SSH1: variants seen among roughly 807,000 people sequenced by gnomAD.
The protein encoded by SSH1 is slingshot protein phosphatase 1.
SSH1 carries 43 observed loss-of-function variants against 79.7 expected under a neutral mutation model. The ratio of observed to expected loss-of-function variants is 0.54; its 90% CI spans 0.42 to 0.70. The LOEUF is 0.70. SSH1 is among the 30% of genes least tolerant of loss of function. The probability of loss-of-function intolerance (pLI) is 0.00; values close to 1 mark genes in which losing one functional copy is unlikely to be tolerated. For missense variants in SSH1, 1,206 were observed against 1,358.8 expected (o/e 0.89, Z 1.77); for synonymous variants, 599 against 538.3 (o/e 1.11, Z -1.56).
intron 2 of SSH1, chr12:108,827,177 C>T: frequency 7.4e-7 from 1 of 1,359,400 alleles, no homozygotes; most frequent in Non-Finnish European, 9.9e-7. Context: ...CCTCAAAAAA[C>T]CCCAGGCCCC....
intron 2 of SSH1, among the ~76,000 whole-genome samples, 196 bp downstream of exon 2, chr12:108,852,442 G>C (rs1191323191): frequency 6.6e-6 from 1 of 151,930 alleles, no homozygotes; most frequent in Non-Finnish European, 1.5e-5. Context: ...ATGTTGGCCA[G>C]GATGGTCTCG....
At chr12:108,792,237 G>A in intron 14 of SSH1, 49 bp downstream of exon 14, 1 of 1,613,972 alleles carries the variant, frequency 6.2e-7, no homozygotes, top group South Asian at 1.1e-5. Context: ...CAATTAGAGT[G>A]GGATGGAAGG....
At chr12:108,812,037 C>T (rs535568657) in intron 5 of SSH1, among the ~76,000 whole-genome samples, 203 of 152,254 alleles carry the variant, frequency 1.3e-3, no homozygotes, top group African/African-American at 4.6e-3. Context: ...TATGTGTGCC[C>T]GTGTGAATGG....
chr12:108,855,258 T>C (rs78768087), intron 1 of SSH1, among the ~76,000 whole-genome samples: 3,203 of 152,290 alleles, frequency 0.021, 104 homozygotes, highest in African/African-American at 0.074. Flanking sequence ...AGGGTGTGAT[T>C]CCATTTATAT....
chr12:108,795,703 A>G (rs779159511), intron 13 of SSH1, among the ~76,000 whole-genome samples: 6 of 152,090 alleles, frequency 3.9e-5, no homozygotes, highest in Non-Finnish European at 5.9e-5. Context: ...AGAAAAAAAT[A>G]TAAAAAATTA....
At chr12:108,843,093 TTTTTA>T (rs2038817702) in intron 2 of SSH1, among the ~76,000 whole-genome samples, 2 of 152,176 alleles carry the variant, frequency 1.3e-5, no homozygotes, top group Admixed American at 1.3e-4. Context: ...AGAGCAGGAA[TTTTTA>T]TTTTGTTTGT....
chr12:108,840,882 C>T (rs1286304667), intron 2 of SSH1, among the ~76,000 whole-genome samples: 1 of 152,222 alleles, frequency 6.6e-6, no homozygotes, highest in Non-Finnish European at 1.5e-5. Context: ...TTCTCCACTG[C>T]AGGGTCAGAC....
chr12:108,822,580 G>A (rs555060699), intron 3 of SSH1, among the ~76,000 whole-genome samples: 1 of 152,268 alleles, frequency 6.6e-6, no homozygotes, highest in Admixed American at 6.5e-5. Context: ...CCAAAGCACT[G>A]GGATTACAGG....
At chr12:108,820,905 A>G (rs562705066) in intron 3 of SSH1, among the ~76,000 whole-genome samples, 20 of 152,216 alleles carry the variant, frequency 1.3e-4, no homozygotes, top group Admixed American at 2.0e-4. Flanking sequence ...TCCAGACCTC[A>G]GGGCACAAGA....
chr12:108,796,845 C>T (rs1011303469), intron 13 of SSH1, among the ~76,000 whole-genome samples: 1 of 151,820 alleles, frequency 6.6e-6, no homozygotes, highest in Non-Finnish European at 1.5e-5. Context: ...CGGGTTCAAG[C>T]AATTCTCCTG....
intron 14 of SSH1, 75 bp from the exon 15 acceptor site, chr12:108,789,319 G>T: frequency 6.7e-7 from 1 of 1,496,734 alleles, no homozygotes. Flanking sequence ...AGGGTGGGCA[G>T]GGAAAGGGGT....
intron 14 of SSH1, among the ~76,000 whole-genome samples, chr12:108,791,283 T>A (rs952218111): frequency 6.6e-6 from 1 of 152,158 alleles, no homozygotes; most frequent in Admixed American, 6.5e-5. Flanking sequence ...CTAATTTTTA[T>A]ATTTTTAGTA....
At chr12:108,808,296 T>C (rs1230042868) in intron 7 of SSH1, among the ~76,000 whole-genome samples, 2 of 152,212 alleles carry the variant, frequency 1.3e-5, no homozygotes, top group Admixed American at 1.3e-4. Flanking sequence ...TACAGGCGGC[T>C]GGGGAATGCA....
intron 2 of SSH1, among the ~76,000 whole-genome samples, chr12:108,846,115 G>A (rs1009941434): frequency 5.3e-5 from 8 of 152,164 alleles, no homozygotes; most frequent in Admixed American, 4.6e-4. Context: ...GGAAGGGAGT[G>A]CGGAGAGAAA....
At position 108,805,155 on chromosome 12, in the gene SSH1, A is replaced by G; in HGVS notation, c.855T>C (p.Asn285=). The G allele has an allele frequency of 1.2e-6, 2 of 1,613,724 alleles. No homozygotes were observed. The highest frequency in any genetic ancestry group is 1.7e-6 in the Non-Finnish European group (2 of 1,179,604). The change falls in exon 10 of 15, where the codon AAT becomes AAC. Residue 285 remains asparagine (N), a synonymous_variant. Coordinates refer to ENST00000326495, the MANE Select transcript of SSH1 (RefSeq NM_018984.4). ...EIRNELEKQM[N]CNLKELKEFI... ...ATTCCTTGAGTTCCTTCAAGTTACA[A>G]TTCATCTGTTTCTCTAATTCATTAC...
intron 4 of SSH1, among the ~76,000 whole-genome samples, chr12:108,817,657 A>G (rs892739193): frequency 6.6e-6 from 1 of 152,186 alleles, no homozygotes; most frequent in East Asian, 1.9e-4. Context: ...AGCACCAGGG[A>G]CGCCGCCTGG....
chr12:108,788,165 G>C lies in SSH1; in HGVS notation c.2973C>G (p.Asp991Glu), dbSNP rs1250339241. ...TGGACGGGTCAGCCTCACTGGACAG[G>C]TCTTCCGTTGAGAAGGTGAGACTCC... ...KLGSLTFSTE[D>E]LSSEADPSTV... The change falls in exon 15 of 15, where the codon GAC (aspartate) becomes GAG (glutamate). Residue 991 changes from aspartate (D) to glutamate (E), a missense_variant. Asp to Glu is a conservative substitution (Grantham distance 45). This residue lies in a region of SSH1 where 709 missense variants were observed against 730.6 expected (regional missense o/e 0.97). Transcript: ENST00000326495. 6.8e-6 allele frequency: 11 copies of C among 1,614,050 alleles called. No homozygotes were observed. Among genetic ancestry groups the C allele is most frequent in the Non-Finnish European group, 8.5e-6 (10 of 1,180,020 alleles).
At chr12:108,844,726 T>G (rs2038859334) in intron 2 of SSH1, among the ~76,000 whole-genome samples, 1 of 152,210 alleles carries the variant, frequency 6.6e-6, no homozygotes, top group Non-Finnish European at 1.5e-5. Flanking sequence ...GTCATTCCAG[T>G]GATAACAATC....
At chr12:108,822,625 T>C (rs2038166110) in intron 3 of SSH1, among the ~76,000 whole-genome samples, 1 of 152,222 alleles carries the variant, frequency 6.6e-6, no homozygotes, top group African/African-American at 2.4e-5. Flanking sequence ...CAAGCATTTC[T>C]TGAATTCCTC....
Sources: gnomAD v4.1 joint callset for allele counts (sites outside exome capture counted in the v4.1 genomes callset) on GRCh38, gnomAD v4.1.1 for gene constraint, gnomAD v4.1.1 regional missense constraint, MANE v1.5 for transcripts, NCBI Gene and HGNC (gene_info 2026-07-23, HGNC 2026-07-21) for gene names.